The following GPHN variants were observed in gnomAD, a reference collection of about 807,000 sequenced individuals.
The protein encoded by GPHN is gephyrin.
Under a neutral mutation model 95.5 loss-of-function variants are expected in GPHN, and 17 were observed. The observed-to-expected ratio is 0.18, with a 90% CI of 0.12 to 0.27. The LOEUF is 0.27. Ranked by LOEUF, GPHN falls within the 10% of genes least tolerant of loss-of-function variation. The pLI, the probability that GPHN is intolerant of heterozygous loss-of-function variation, is 1.00. For missense variants in GPHN, 660 were observed against 978.1 expected, an observed-to-expected ratio of 0.67 and a Z score of 4.34; for synonymous variants, 320 against 322.5, an observed-to-expected ratio of 0.99 and a Z score of 0.08.
intron 1 of GPHN, among the ~76,000 whole-genome samples, chr14:66,551,977 C>A (rs1219627233): frequency 6.6e-6 from 1 of 152,182 alleles, no homozygotes; most frequent in East Asian, 1.9e-4. Context: ...AGCACCCCTT[C>A]ATGCCCCAAA....
At chr14:67,291,846 T>TTTCC in the GPHN span, among the ~76,000 whole-genome samples, 2 of 152,224 alleles carry the variant, frequency 1.3e-5, no homozygotes, top group African/African-American at 4.8e-5. Context: ...ATATTGCTAA[T>TTTCC]GGAATGCAGA....
At chr14:67,726,244 G>C in the GPHN span, 1 of 852,352 alleles carries the variant, frequency 1.2e-6, no homozygotes, top group Non-Finnish European at 2.0e-6. Flanking sequence ...AGAATGTCCA[G>C]GGGCCTTCAT....
intron 10 of GPHN, among the ~76,000 whole-genome samples, chr14:67,058,242 A>T (rs1173471715): frequency 1.2e-4 from 18 of 152,240 alleles, no homozygotes; most frequent in Admixed American, 1.2e-3. Context: ...CTGTCTAGCA[A>T]TAAATAATCT....
At chr14:67,558,807 C>G in the GPHN span, among the ~76,000 whole-genome samples, 4 of 152,196 alleles carry the variant, frequency 2.6e-5, no homozygotes, top group African/African-American at 2.4e-5. Flanking sequence ...CAGGTAGTAA[C>G]TATTTTATGT....
intron 1 of GPHN, among the ~76,000 whole-genome samples, chr14:66,570,909 T>A (rs771005926): frequency 2.0e-5 from 3 of 152,198 alleles, no homozygotes; most frequent in Non-Finnish European, 4.4e-5. Flanking sequence ...CATTTTTATG[T>A]CCTTTTTTGA....
chr14:67,529,015 T>C, the GPHN span, among the ~76,000 whole-genome samples: 1,038 of 152,286 alleles, frequency 6.8e-3, 17 homozygotes, highest in African/African-American at 0.023. Flanking sequence ...TCCTGGGTAC[T>C]TTCCAGCTCC....
intron 10 of GPHN, among the ~76,000 whole-genome samples, chr14:67,025,553 A>C (rs2073881731): frequency 6.6e-6 from 1 of 152,234 alleles, no homozygotes; most frequent in Admixed American, 6.5e-5. Flanking sequence ...GAGCCTGAGA[A>C]TAAAAAGGAA....
At chr14:66,739,220 T>A (rs966309448) in intron 2 of GPHN, among the ~76,000 whole-genome samples, 6 of 146,612 alleles carry the variant, frequency 4.1e-5, no homozygotes, top group African/African-American at 7.4e-5. Flanking sequence ...TCTTACAGCT[T>A]TTTTTTTTTT....
the GPHN span, chr14:67,650,985 G>A: frequency 4.1e-6 from 6 of 1,472,306 alleles, no homozygotes; most frequent in South Asian, 1.2e-5. Flanking sequence ...TGAGGGGATA[G>A]ATGAATACTA....
the GPHN span, chr14:67,397,685 A>AG: frequency 4.3e-6 from 7 of 1,612,956 alleles, 1 homozygote; most frequent in Non-Finnish European, 5.9e-6. Flanking sequence ...TACTCCAGGC[A>AG]GGGGCAGGTG....
intron 13 of GPHN, among the ~76,000 whole-genome samples, chr14:67,103,561 C>T (rs187512176): frequency 3.1e-4 from 13 of 42,472 alleles, no homozygotes; most frequent in Admixed American, 1.2e-3. Flanking sequence ...TCTTTTTCAT[C>T]AGTATTTTAT....
chr14:67,099,444 T>A (rs1253659668), intron 12 of GPHN, among the ~76,000 whole-genome samples: 8 of 145,922 alleles, frequency 5.5e-5, no homozygotes, highest in Admixed American at 3.4e-4. Flanking sequence ...TCTTAAACTT[T>A]AAAAAAAAAA....
intron 8 of GPHN, among the ~76,000 whole-genome samples, chr14:66,957,120 TAA>T (rs201535684): frequency 9.8e-5 from 12 of 121,900 alleles, no homozygotes; most frequent in Non-Finnish European, 1.5e-4. Flanking sequence ...ATAATAATAA[TAA>T]AAAAAAAAGA....
chr14:67,493,478 T>A, the GPHN span, among the ~76,000 whole-genome samples: 1 of 152,208 alleles, frequency 6.6e-6, no homozygotes, highest in Non-Finnish European at 1.5e-5. Flanking sequence ...TTCAGTGTGC[T>A]CTCGTGATCG....
At chr14:67,288,693 C>T in the GPHN span, among the ~76,000 whole-genome samples, 5 of 151,988 alleles carry the variant, frequency 3.3e-5, no homozygotes, top group Non-Finnish European at 7.4e-5. Context: ...TATTTAATCT[C>T]TTAGGGAATT....
At chr14:67,376,534 T>C in the GPHN span, 2 of 1,614,132 alleles carry the variant, frequency 1.2e-6, no homozygotes, top group Non-Finnish European at 1.7e-6. Context: ...GGGTCTTTGA[T>C]GACAAGTACA....
the GPHN span, among the ~76,000 whole-genome samples, chr14:67,328,837 A>G: frequency 2.0e-5 from 3 of 152,050 alleles, no homozygotes; most frequent in African/African-American, 4.8e-5. Context: ...ATTGGTCTGT[A>G]TCTCTGTTTT....
the GPHN span, among the ~76,000 whole-genome samples, chr14:67,643,910 C>T: frequency 6.8e-6 from 1 of 146,858 alleles, no homozygotes; most frequent in Non-Finnish European, 1.5e-5. Context: ...ACGGTCACAC[C>T]CAGGTTCCCT....
chr14:67,317,613 GA>G, the GPHN span: 1 of 542,916 alleles, frequency 1.8e-6, no homozygotes, highest in Non-Finnish European at 3.2e-6. Context: ...GGAATCCTGT[GA>G]GTAAGGCAGT....
Sources: gnomAD v4.1 joint callset for allele counts (sites outside exome capture counted in the v4.1 genomes callset) on GRCh38, gnomAD v4.1.1 for gene constraint, MANE v1.5 for transcripts, NCBI Gene and HGNC (gene_info 2026-07-23, HGNC 2026-07-21) for gene names.